TNFSF4: variants seen among roughly 807,000 people sequenced by gnomAD.
TNFSF4 encodes the protein TNF superfamily member 4.
TNFSF4 carries 4 observed loss-of-function variants against 7.3 expected under a neutral mutation model. The ratio of observed to expected loss-of-function variants is 0.55; its 90% CI spans 0.27 to 1.25. The LOEUF (loss-of-function observed/expected upper bound fraction) is 1.25. TNFSF4 is among the 50% of genes most tolerant of loss of function. The pLI, the probability that TNFSF4 is intolerant of heterozygous loss-of-function variation, is 0.12. For missense variants in TNFSF4, 181 were observed against 208.8 expected, an observed-to-expected ratio of 0.87 and a Z score of 0.82; for synonymous variants, 76 against 83.7, an observed-to-expected ratio of 0.91 and a Z score of 0.50.
the TNFSF4 span, among the ~76,000 whole-genome samples, chr1:173,404,300 G>GC: frequency 0.013 from 1,906 of 152,244 alleles, 17 homozygotes; most frequent in Non-Finnish European, 0.018. Flanking sequence ...AGGGATGATG[G>GC]CTAATCCTGG....
At chr1:173,312,400 C>T in the TNFSF4 span, among the ~76,000 whole-genome samples, 2 of 151,926 alleles carry the variant, frequency 1.3e-5, no homozygotes, top group African/African-American at 4.8e-5. Flanking sequence ...GAGTGAATTT[C>T]CTGTCCTCTC....
chr1:173,274,315 T>C, the TNFSF4 span, among the ~76,000 whole-genome samples: 1 of 152,138 alleles, frequency 6.6e-6, no homozygotes, highest in Non-Finnish European at 1.5e-5. Context: ...TATTCAAGCA[T>C]TCTCCTTTTG....
the TNFSF4 span, among the ~76,000 whole-genome samples, chr1:173,441,556 G>A: frequency 6.6e-6 from 1 of 152,180 alleles, no homozygotes; most frequent in African/African-American, 2.4e-5. Context: ...CCCGGGAGGT[G>A]GAGGTTGCAC....
the TNFSF4 span, among the ~76,000 whole-genome samples, chr1:173,356,165 G>C: frequency 1.3e-5 from 2 of 152,224 alleles, no homozygotes; most frequent in African/African-American, 2.4e-5. Flanking sequence ...GGGGAGGGAT[G>C]CTCTGGCTTT....
At chr1:173,414,423 A>G in the TNFSF4 span, among the ~76,000 whole-genome samples, 2 of 152,158 alleles carry the variant, frequency 1.3e-5, no homozygotes, top group Non-Finnish European at 2.9e-5. Context: ...TTCCAAATAC[A>G]GTCATACTGC....
the TNFSF4 span, among the ~76,000 whole-genome samples, chr1:173,434,063 G>A: frequency 6.6e-6 from 1 of 152,310 alleles, no homozygotes; most frequent in Middle Eastern, 3.4e-3. Context: ...ACATGAAACA[G>A]ACTCTCCCTC....
chr1:173,259,255 A>C, the TNFSF4 span, among the ~76,000 whole-genome samples: 2 of 152,290 alleles, frequency 1.3e-5, no homozygotes, highest in East Asian at 3.9e-4. Context: ...CAGCAGCCCT[A>C]TTGAAGAAGG....
At chr1:173,354,040 G>T in the TNFSF4 span, among the ~76,000 whole-genome samples, 1 of 151,530 alleles carries the variant, frequency 6.6e-6, no homozygotes, top group African/African-American at 2.4e-5. Context: ...AATTCAAAAG[G>T]TCAACAAATC....
At chr1:173,189,329 G>A (rs1391261071) in intron 1 of TNFSF4, among the ~76,000 whole-genome samples, 2 of 152,196 alleles carry the variant, frequency 1.3e-5, no homozygotes, top group Admixed American at 1.3e-4. Context: ...CACTGGGAGG[G>A]AGTTCTGGAA....
the TNFSF4 span, among the ~76,000 whole-genome samples, chr1:173,329,618 T>C: frequency 3.9e-5 from 6 of 152,284 alleles, no homozygotes; most frequent in South Asian, 1.2e-3. Context: ...TCACCTCATA[T>C]ACAAGTGGAA....
chr1:173,414,611 A>G, the TNFSF4 span, among the ~76,000 whole-genome samples: 1 of 152,222 alleles, frequency 6.6e-6, no homozygotes, highest in East Asian at 1.9e-4. Context: ...TGGAAATTCA[A>G]GCTTCAAAGT....
rs778986374 is a variant in TNFSF4, at chr1:173,207,124, C to G, written c.53G>C (p.Arg18Thr). ...EENVGNAARP[R>T]FERNKLLLVA... ...CAGCAATAGCTTGTTCCTCTCGAAT[C>G]TTGGCCTGGCTGCATTTCCCACATT... Residue 18 changes from arginine to threonine, a missense_variant, in exon 1 of 3, where the codon AGA becomes ACA. By Grantham distance (71) the Arg-to-Thr change is moderately conservative. Transcript: ENST00000281834. 5 of 1,613,880 alleles carry G rather than the reference C, an allele frequency of 3.1e-6. No individual in the cohort carries two copies. Among genetic ancestry groups the G allele is most frequent in the Non-Finnish European group, 2.5e-6 (3 of 1,179,870 alleles).
chr1:173,448,428 C>T, the TNFSF4 span, among the ~76,000 whole-genome samples: 7 of 152,226 alleles, frequency 4.6e-5, no homozygotes, highest in Non-Finnish European at 1.0e-4. Context: ...CATGCGCGTC[C>T]ATGTGAAGAG....
chr1:173,230,151 C>G, the TNFSF4 span, among the ~76,000 whole-genome samples: 6 of 152,306 alleles, frequency 3.9e-5, no homozygotes, highest in South Asian at 6.2e-4. Context: ...CACCACACCA[C>G]ACTTATTCCA....
chr1:173,286,506 T>G, the TNFSF4 span, among the ~76,000 whole-genome samples: 1 of 152,202 alleles, frequency 6.6e-6, no homozygotes, highest in Non-Finnish European at 1.5e-5. Context: ...GAAAGTACAG[T>G]CAATTCAATA....
At chr1:173,347,869 C>T in the TNFSF4 span, among the ~76,000 whole-genome samples, 5 of 152,222 alleles carry the variant, frequency 3.3e-5, no homozygotes, top group African/African-American at 1.2e-4. Flanking sequence ...CTAGCCTCTA[C>T]TCACTAGACG....
chr1:173,342,471 C>A, the TNFSF4 span, among the ~76,000 whole-genome samples: 1 of 152,100 alleles, frequency 6.6e-6, no homozygotes, highest in East Asian at 1.9e-4. Flanking sequence ...AATAAATTTT[C>A]ATTCTTCCTT....
At chr1:173,394,772 T>C in the TNFSF4 span, among the ~76,000 whole-genome samples, 1 of 152,252 alleles carries the variant, frequency 6.6e-6, no homozygotes, top group Non-Finnish European at 1.5e-5. Context: ...TTCCCTGGCC[T>C]CTGAACTTAT....
chr1:173,437,532 T>C, the TNFSF4 span, among the ~76,000 whole-genome samples: 1 of 152,224 alleles, frequency 6.6e-6, no homozygotes, highest in East Asian at 1.9e-4. Flanking sequence ...ATTTTCAAGT[T>C]TTTTAGTGTC....
Sources: allele counts gnomAD v4.1 joint callset (sites outside exome capture counted in the v4.1 genomes callset), GRCh38; gene constraint gnomAD v4.1.1; transcripts MANE v1.5; gene names NCBI Gene and HGNC (gene_info 2026-07-23, HGNC 2026-07-21).